The following AKAP9 variants were observed in gnomAD, a reference collection of about 807,000 sequenced individuals.
AKAP9 encodes the protein A-kinase anchoring protein 9, also known as A-kinase anchor protein 9.
A neutral mutation model predicts 488.5 loss-of-function variants in AKAP9; 311 were observed. The ratio of observed to expected loss-of-function variants is 0.64; its 90% CI spans 0.58 to 0.70. The LOEUF (loss-of-function observed/expected upper bound fraction) is 0.70, where lower values mean the gene tolerates loss of function less well. Ranked by LOEUF, AKAP9 falls within the 30% of genes least tolerant of loss-of-function variation. AKAP9 has a pLI of 0.00. For synonymous variants in AKAP9, 1,462 were observed against 1,483.5 expected, an observed-to-expected ratio of 0.99 and a Z score of 0.33; for missense variants, 4,215 against 4,374.5, an observed-to-expected ratio of 0.96 and a Z score of 1.03.
intron 37 of AKAP9, 119 bp downstream of exon 37, chr7:92,086,535 T>TA (rs1422356568): frequency 3.8e-6 from 3 of 780,872 alleles, no homozygotes; most frequent in African/African-American, 3.5e-5. Flanking sequence ...ATGAATATTT[T>TA]AAAAAAATTA....
At chr7:92,102,475 CTA>C (rs1343952688) in intron 45 of AKAP9, 117 bp from the exon 46 acceptor site, 20 of 713,386 alleles carry the variant, frequency 2.8e-5, no homozygotes, top group African/African-American at 1.1e-4. Flanking sequence ...ACTACTACTA[CTA>C]CTACTACTAC....
chr7:92,050,673 CTGAG>C (rs1436848293), intron 21 of AKAP9, among the ~76,000 whole-genome samples: 5 of 152,132 alleles, frequency 3.3e-5, no homozygotes, highest in South Asian at 2.1e-4. Context: ...CCTTCTCTCA[CTGAG>C]TATTACTCCT....
intron 14 of AKAP9, among the ~76,000 whole-genome samples, chr7:92,025,641 A>G (rs960773079): frequency 1.3e-5 from 2 of 152,240 alleles, no homozygotes; most frequent in Admixed American, 6.5e-5. Flanking sequence ...TGGAAAGATC[A>G]TGGGTTTTAG....
Position 91,947,098 on chromosome 7 carries a change from A to G in AKAP9, c.48+5951A>G, listed in dbSNP as rs142648084. ...TGCTTAACATCCATTTAAAAACTAT[A>G]ATTTGGAAAAGCTACGGAATTTTTC... is the stretch of plus-strand genomic sequence containing the variant. On this transcript the variant is annotated intron_variant, in intron 1 of 49. Coordinates refer to ENST00000356239, the MANE Select transcript of AKAP9 (RefSeq NM_005751.5). 7.2e-5 allele frequency among the ~76,000 whole-genome samples: 11 copies of G among 152,198 alleles called. No homozygotes were observed. The East Asian group carries it at 2.1e-3, about 29-fold the overall frequency.
chr7:91,985,361 A>G (rs1198937177), intron 3 of AKAP9, among the ~76,000 whole-genome samples: 1 of 152,116 alleles, frequency 6.6e-6, no homozygotes, highest in Admixed American at 6.6e-5. Context: ...TTCTGCATCT[A>G]TTGAGATAAT....
chr7:92,067,066 C>G lies in AKAP9; in HGVS notation c.6330+520C>G, dbSNP rs572738892. Among the ~76,000 whole-genome samples, 98 of 152,320 alleles carry G rather than the reference C, an allele frequency of 6.4e-4. No individual in the cohort carries two copies. In the Middle Eastern group the frequency reaches 0.01, roughly 16 times the overall value. Reference sequence around the variant, plus strand: ...CCAGAAATACTTCCTTCTCTTGTTTCTGTGACACAGCTACTCCACTGGTCT... The same window carrying G: ...CCAGAAATACTTCCTTCTCTTGTTTGTGTGACACAGCTACTCCACTGGTCT... On this transcript the variant is annotated intron_variant, in intron 26 of 49. Transcript: ENST00000356239.
chr7:91,989,725 C>T (rs1797536198), intron 3 of AKAP9, among the ~76,000 whole-genome samples: 1 of 151,944 alleles, frequency 6.6e-6, no homozygotes, highest in Non-Finnish European at 1.5e-5. Context: ...GCACATTGAA[C>T]TCTTATAATT....
chr7:92,035,045 C>A (rs773306531), intron 16 of AKAP9, among the ~76,000 whole-genome samples: 16 of 152,040 alleles, frequency 1.1e-4, no homozygotes, highest in Non-Finnish European at 2.1e-4. Flanking sequence ...AAAGGAATTT[C>A]TTTTCTAATG....
chr7:91,959,780 C>T (rs952733513), intron 1 of AKAP9, among the ~76,000 whole-genome samples: 2 of 152,130 alleles, frequency 1.3e-5, no homozygotes, highest in African/African-American at 2.4e-5. Context: ...CTGGACTGGT[C>T]ACTCAATATG....
chr7:91,981,046 G>A (rs1043988007), intron 3 of AKAP9, among the ~76,000 whole-genome samples: 21 of 152,212 alleles, frequency 1.4e-4, no homozygotes, highest in African/African-American at 7.2e-5. Flanking sequence ...ATTGCTAATA[G>A]CAATAAAAAC....
intron 15 of AKAP9, among the ~76,000 whole-genome samples, chr7:92,031,207 C>T (rs1804179482): frequency 6.6e-6 from 1 of 152,162 alleles, no homozygotes; most frequent in Non-Finnish European, 1.5e-5. Flanking sequence ...TCTGTACACA[C>T]ATATATATTT....
At chr7:92,091,500 C>T (rs760176644) in intron 38 of AKAP9, among the ~76,000 whole-genome samples, 9 of 148,348 alleles carry the variant, frequency 6.1e-5, no homozygotes, top group East Asian at 4.0e-4. Context: ...GCAGGAGAAT[C>T]GTCTGAACTT....
At chr7:92,012,383 T>A (rs775231416) in intron 8 of AKAP9, 46 bp from the exon 9 acceptor site, 40 of 1,514,288 alleles carry the variant, frequency 2.6e-5, no homozygotes, top group Non-Finnish European at 2.8e-5. Context: ...AATTATTTGA[T>A]TTGTCATTTA....
intron 14 of AKAP9, 37 bp downstream of exon 14, chr7:92,023,046 G>A (rs1318260799): frequency 1.3e-6 from 2 of 1,586,126 alleles, no homozygotes; most frequent in Non-Finnish European, 1.7e-6. Flanking sequence ...AACAGTATTT[G>A]TAGCTTTGTA....
intron 22 of AKAP9, among the ~76,000 whole-genome samples, chr7:92,054,209 A>G (rs1808408622): frequency 6.6e-6 from 1 of 152,186 alleles, no homozygotes; most frequent in South Asian, 2.1e-4. Flanking sequence ...AACTAAAATT[A>G]TCTTGAACCT....
rs781216766 is a variant in AKAP9, at chr7:92,102,833, A to G, written c.11330+7A>G. 76 of 1,611,394 alleles carry G rather than the reference A, an allele frequency of 4.7e-5. No homozygotes were observed. The Admixed American group carries it at 1.2e-3, about 26-fold the overall frequency. On this transcript the variant is annotated splice_region_variant and intron_variant, in intron 46 of 49. Transcript: ENST00000356239. ...TATCCATTGCAATTTCCAGGTAAAG[A>G]CTTGAAGGAAAATGCATTTTACTAG...
At chr7:91,974,042 T>C in intron 2 of AKAP9, 74 bp downstream of exon 2, 1 of 1,556,368 alleles carries the variant, frequency 6.4e-7, no homozygotes, top group African/African-American at 1.4e-5. Flanking sequence ...CATTAGCAAC[T>C]GTGCGCAATT....
chr7:91,980,943 C>T (rs900378341), intron 3 of AKAP9, among the ~76,000 whole-genome samples: 5 of 151,906 alleles, frequency 3.3e-5, no homozygotes, highest in Admixed American at 1.3e-4. Flanking sequence ...AATGGTTTAG[C>T]AACTCAGTGT....
chr7:92,015,910 A>G (rs767323843), intron 10 of AKAP9, among the ~76,000 whole-genome samples: 4 of 152,196 alleles, frequency 2.6e-5, no homozygotes, highest in Non-Finnish European at 5.9e-5. Flanking sequence ...GTTTTGTGCA[A>G]TGAAGTTTAT....
Sources: gnomAD v4.1 joint callset for allele counts (sites outside exome capture counted in the v4.1 genomes callset) on GRCh38, gnomAD v4.1.1 for gene constraint, MANE v1.5 for transcripts, NCBI Gene and HGNC (gene_info 2026-07-23, HGNC 2026-07-21) for gene names.